SMS: variants seen among roughly 807,000 people sequenced by gnomAD.
SMS encodes the protein spermine synthase, also known as spermidine aminopropyltransferase.
Under a neutral mutation model 33.0 loss-of-function variants are expected in SMS, and 3 were observed. The ratio of observed to expected loss-of-function variants is 0.09; its 90% CI spans 0.04 to 0.23. SMS has a LOEUF of 0.23. SMS is among the 10% of genes least tolerant of loss of function. SMS has a pLI of 1.00. For missense variants in SMS, 117 were observed against 288.6 expected, an observed-to-expected ratio of 0.41 and a Z score of 4.31; for synonymous variants, 103 against 112.2, an observed-to-expected ratio of 0.92 and a Z score of 0.52.
rs774196770 is a variant in SMS, at chrX:21,958,754, G to A, written c.50-8442G>A. On this transcript the variant is annotated intron_variant, in intron 1 of 10. Transcript: ENST00000404933. ...TGCAATTGCGCCATCTCGGCTCACC[G>A]CAACCTCCGCCTCTCGGGTTCAAGC... 1.3e-4 allele frequency among the ~76,000 whole-genome samples: 15 copies of A among 112,356 alleles called. No individual in the cohort carries two copies. The South Asian group carries it at 2.6e-3, about 19-fold the overall frequency.
At chrX:21,979,967 T>TTAA (rs202177315) in intron 7 of SMS, among the ~76,000 whole-genome samples, 3 of 107,098 alleles carry the variant, frequency 2.8e-5, no homozygotes, top group South Asian at 3.9e-4. Flanking sequence ...AAAAAAAACC[T>TTAA]TAATAATAAT....
At chrX:21,982,059 C>T (rs1049442872) in intron 7 of SMS, among the ~76,000 whole-genome samples, 3 of 110,355 alleles carry the variant, frequency 2.7e-5, no homozygotes, top group East Asian at 2.8e-4. Context: ...ACAGGCCGGG[C>T]GCGGTGGCTC....
rs765982358 is a variant in SMS, at chrX:21,958,745, C to T, written c.50-8451C>T. On this transcript the variant is annotated intron_variant, in intron 1 of 10. Coordinates refer to ENST00000404933, the MANE Select transcript of SMS (RefSeq NM_004595.5). Reference sequence around the variant, plus strand: ...AGGCTGGAGTGCAATTGCGCCATCTCGGCTCACCGCAACCTCCGCCTCTCG... The same window carrying T: ...AGGCTGGAGTGCAATTGCGCCATCTTGGCTCACCGCAACCTCCGCCTCTCG... Among the ~76,000 whole-genome samples, 6 of 112,438 alleles carry T rather than the reference C, an allele frequency of 5.3e-5. No homozygotes were observed. The East Asian group carries it at 8.4e-4, about 16-fold the overall frequency.
intron 9 of SMS, 100 bp downstream of exon 9, chrX:21,985,323 G>A: frequency 1.9e-6 from 1 of 527,086 alleles, no homozygotes; most frequent in Non-Finnish European, 3.4e-6. Context: ...TAAGGATAGA[G>A]CGGCATCATC....
At chrX:21,953,907 C>G (rs1174184148) in intron 1 of SMS, among the ~76,000 whole-genome samples, 2 of 58,439 alleles carry the variant, frequency 3.4e-5, no homozygotes, top group Admixed American at 1.8e-4. Context: ...TTTTTTTTTG[C>G]TGTTATCCTT....
At chrX:21,947,982 C>T (rs1356020321) in intron 1 of SMS, among the ~76,000 whole-genome samples, 1 of 111,235 alleles carries the variant, frequency 9.0e-6, no homozygotes, top group South Asian at 3.7e-4. Flanking sequence ...CTTTGGCATG[C>T]GCTTTTGCTT....
At chrX:21,959,166 G>A (rs1923171827) in intron 1 of SMS, among the ~76,000 whole-genome samples, 1 of 112,528 alleles carries the variant, frequency 8.9e-6, no homozygotes, top group Non-Finnish European at 1.9e-5. Flanking sequence ...GTTAAGTAAG[G>A]CATGCCAAAG....
chrX:21,984,244 T>C (rs1602219645), intron 7 of SMS, 60 bp from the exon 8 acceptor site: 5 of 748,054 alleles, frequency 6.7e-6, no homozygotes, highest in Non-Finnish European at 1.1e-5. Flanking sequence ...TTTACTATTG[T>C]TTTTTGTTTA....
intron 2 of SMS, among the ~76,000 whole-genome samples, 161 bp from the exon 3 acceptor site, chrX:21,971,736 G>A (rs999593829): frequency 1.8e-5 from 2 of 111,253 alleles, no homozygotes; most frequent in African/African-American, 3.3e-5. Flanking sequence ...GTTTCTCCCC[G>A]CAAGACGCAG....
intron 9 of SMS, among the ~76,000 whole-genome samples, chrX:21,989,268 C>A (rs761668012): frequency 9.0e-6 from 1 of 110,625 alleles, no homozygotes. Flanking sequence ...AAGACCCCAC[C>A]TCTAAAATAA....
intron 9 of SMS, among the ~76,000 whole-genome samples, chrX:21,986,780 T>G (rs1925368434): frequency 1.8e-5 from 2 of 112,048 alleles, no homozygotes; most frequent in Non-Finnish European, 3.8e-5. Flanking sequence ...TGTAAAGTTT[T>G]CTTGGCATGC....
chrX:21,981,677 T>TG (rs1924957314), intron 7 of SMS, among the ~76,000 whole-genome samples: 1 of 112,030 alleles, frequency 8.9e-6, no homozygotes, highest in Admixed American at 9.5e-5. Context: ...TAGTGTGTGA[T>TG]GCCGGTATAA....
chrX:21,944,539 A>AAAAG (rs1922058760), intron 1 of SMS, among the ~76,000 whole-genome samples: 2 of 81,439 alleles, frequency 2.5e-5, no homozygotes, highest in Admixed American at 1.8e-4. Context: ...AAAAAAAAAA[A>AAAAG]AAAAAAGAAA....
chrX:21,963,620 T>G (rs1232699770), intron 1 of SMS, among the ~76,000 whole-genome samples: 1 of 111,850 alleles, frequency 8.9e-6, no homozygotes, highest in South Asian at 3.7e-4. Flanking sequence ...TACACTGGGC[T>G]TGGCCAGCAG....
intron 4 of SMS, among the ~76,000 whole-genome samples, chrX:21,973,815 G>A (rs905398948): frequency 2.6e-5 from 3 of 113,215 alleles, no homozygotes; most frequent in South Asian, 3.6e-4. Flanking sequence ...GTACAACTAC[G>A]GAACATTTTC....
chrX:21,942,429 G>A lies in SMS; in HGVS notation c.49+1556G>A, dbSNP rs183349295. ...GTCCATTAAAAAGAAAAAAAAAAGT[G>A]TACACCTCTTCGGGCTTTTACTCTT... On this transcript the variant is annotated intron_variant, in intron 1 of 10. Coordinates refer to ENST00000404933, the MANE Select transcript of SMS (RefSeq NM_004595.5). Among the ~76,000 whole-genome samples, 9 of 111,450 alleles carry A rather than the reference G, an allele frequency of 8.1e-5. No homozygotes were observed. In the East Asian group the frequency reaches 8.4e-4, roughly 10 times the overall value.
chrX:21,979,367 C>T (rs932847560), intron 7 of SMS, among the ~76,000 whole-genome samples: 3 of 108,307 alleles, frequency 2.8e-5, no homozygotes, highest in East Asian at 5.8e-4. Flanking sequence ...CCCCTACCCC[C>T]GATCGGCCCC....
At chrX:21,992,751 C>T (rs371370195) in intron 10 of SMS, 39 bp downstream of exon 10, 83 of 813,282 alleles carry the variant, frequency 1.0e-4, no homozygotes, top group Non-Finnish European at 1.5e-4. Context: ...CAGATCAAAG[C>T]ACCCAAGTAA....
At chrX:21,953,184 A>G (rs753562229) in intron 1 of SMS, among the ~76,000 whole-genome samples, 10 of 110,175 alleles carry the variant, frequency 9.1e-5, no homozygotes, top group Middle Eastern at 4.2e-3. Flanking sequence ...AGAGAGACCA[A>G]TGGGGTTCAG....
Sources: allele counts gnomAD v4.1 joint callset (sites outside exome capture counted in the v4.1 genomes callset), GRCh38; gene constraint gnomAD v4.1.1; transcripts MANE v1.5; gene names NCBI Gene and HGNC (gene_info 2026-07-23, HGNC 2026-07-21).